Variants in BBIP1 observed in about 807,000 individuals in gnomAD.
BBIP1 encodes the protein BBSome interacting protein 1.
BBIP1 carries 6 observed loss-of-function variants against 8.9 expected under a neutral mutation model. That is an observed-to-expected ratio of 0.67 (90% CI 0.37 to 1.33). The LOEUF (loss-of-function observed/expected upper bound fraction) is 1.33, where lower values mean the gene tolerates loss of function less well. Ranked by LOEUF, BBIP1 falls within the 40% of genes most tolerant of loss-of-function variation. The pLI is 0.02. For missense variants in BBIP1, 111 were observed against 109.2 expected, an observed-to-expected ratio of 1.02 and a Z score of -0.07; for synonymous variants, 32 against 33.4, an observed-to-expected ratio of 0.96 and a Z score of 0.14.
At chr10:110,904,945 GTCAAT>G (rs1272091895) in intron 2 of BBIP1, 2 of 152,226 alleles carry the variant, frequency 1.3e-5, no homozygotes, top group Non-Finnish European at 1.5e-5. Flanking sequence ...AGAATACAGT[GTCAAT>G]TCATCATTTT....
At position 110,918,164 on chromosome 10, in the gene BBIP1, C is replaced by G. The variant is rs1007006316; in HGVS notation, c.-7G>C. On this transcript the variant is annotated 5_prime_UTR_variant, in exon 2 of 4. Coordinates refer to ENST00000448814, the MANE Select transcript of BBIP1 (RefSeq NM_001195305.3). ...TTGCTGCAGCTTTAAGCATCCAACCCGGTATTACCAAGATGACTTAGAGTT... is the reference window on the plus strand; with the variant it reads ...TTGCTGCAGCTTTAAGCATCCAACCGGGTATTACCAAGATGACTTAGAGTT... The G allele has an allele frequency of 2.6e-6, 4 of 1,535,380 alleles. No homozygotes were observed. In the African/African-American group the frequency reaches 5.5e-5, roughly 21 times the overall value.
intron 2 of BBIP1, 145 bp downstream of exon 2, chr10:110,917,976 A>G: frequency 1.4e-6 from 1 of 702,464 alleles, no homozygotes; most frequent in Non-Finnish European, 2.4e-6. Flanking sequence ...GACTGCTACA[A>G]CAGATTTCAG....
chr10:110,910,206 A>G (rs1324080082), intron 2 of BBIP1, among the ~76,000 whole-genome samples: 2 of 152,236 alleles, frequency 1.3e-5, no homozygotes, highest in Non-Finnish European at 2.9e-5. Context: ...ATGTATAGCA[A>G]GGGGCAGATG....
chr10:110,904,850 G>C (rs1034024157), intron 2 of BBIP1: 2 of 152,180 alleles, frequency 1.3e-5, no homozygotes, highest in South Asian at 4.1e-4. Context: ...GATGCAGATT[G>C]TCAAGGCATA....
At chr10:110,906,595 T>A (rs1846146912) in intron 2 of BBIP1, 1 of 152,206 alleles carries the variant, frequency 6.6e-6, no homozygotes, top group African/African-American at 2.4e-5. Flanking sequence ...AGTCTTGCTC[T>A]GTTGCCCAGG....
intron 2 of BBIP1, 31 bp downstream of exon 2, chr10:110,918,090 C>G (rs1029610341): frequency 2.6e-6 from 4 of 1,529,956 alleles, no homozygotes; most frequent in Non-Finnish European, 3.5e-6. Flanking sequence ...GTATTGTTGA[C>G]TGGCTGGATA....
In BBIP1 at chr10:110,908,792, TAA is replaced by T. The variant is rs11320285; in HGVS notation, c.38-7182_38-7181del. 5.1e-3 allele frequency among the ~76,000 whole-genome samples: 721 copies of T among 142,332 alleles called. 1 individual carries two copies. The highest frequency in any genetic ancestry group is 0.011 in the Middle Eastern group (3 of 284). 93.4% of individuals were successfully genotyped at this position (142,332 alleles called of 152,430 possible). On this transcript the variant is annotated intron_variant, in intron 2 of 3. Transcript: ENST00000448814. The stretch of plus-strand genomic sequence containing the variant: ...CATTATGGGGGAGGCAAGGAATGCT[TAA>T]AAAAAAAAAAAAAGAGTTACGAGCA...
chr10:110,907,272 T>G (rs890029704), intron 2 of BBIP1: 1 of 153,018 alleles, frequency 6.5e-6, no homozygotes, highest in African/African-American at 2.4e-5. Flanking sequence ...CCCAGCACTT[T>G]GGAAGGCCAA....
chr10:110,919,346 G>T, upstream of BBIP1: 1 of 373,384 alleles, frequency 2.7e-6, no homozygotes, highest in Admixed American at 4.6e-5. Flanking sequence ...CCCAGTGGGC[G>T]GGAGACGGCG....
At chr10:110,917,775 A>T (rs1846451631) in intron 2 of BBIP1, among the ~76,000 whole-genome samples, 1 of 152,238 alleles carries the variant, frequency 6.6e-6, no homozygotes, top group Non-Finnish European at 1.5e-5. Context: ...AATCTGATAC[A>T]AACCATTCTA....
chr10:110,905,002 T>G (rs533808232), intron 2 of BBIP1: 1 of 152,354 alleles, frequency 6.6e-6, no homozygotes, highest in South Asian at 2.1e-4. Context: ...AATCTGCTGT[T>G]TCCTTTTCTT....
chr10:110,911,563 A>C (rs1381142622), intron 2 of BBIP1: 1 of 151,558 alleles, frequency 6.6e-6, no homozygotes, highest in African/African-American at 2.4e-5. Flanking sequence ...GAATTGAATT[A>C]CCCATGTGCC....
chr10:110,909,918 A>C (rs562015341), intron 2 of BBIP1, among the ~76,000 whole-genome samples: 1 of 152,368 alleles, frequency 6.6e-6, no homozygotes, highest in Admixed American at 6.5e-5. Context: ...AAATGTCTAT[A>C]ATGTACCAGC....
chr10:110,918,782 G>C (rs527904941), intron 1 of BBIP1: 1 of 152,658 alleles, frequency 6.6e-6, no homozygotes, highest in Admixed American at 6.5e-5. Flanking sequence ...CCATTTCAGC[G>C]CTCTGTCCCA....
intron 2 of BBIP1, chr10:110,904,303 A>G (rs1344548818): frequency 6.6e-6 from 1 of 152,226 alleles, no homozygotes; most frequent in Non-Finnish European, 1.5e-5. Flanking sequence ...CAAAAACCCA[A>G]ACTTTTGCCT....
chr10:110,901,230 C>T (rs552858809), intron 3 of BBIP1: 12 of 412,426 alleles, frequency 2.9e-5, no homozygotes, highest in East Asian at 1.8e-4. Context: ...CGGTGAGCTA[C>T]GGTTGTGCCA....
At chr10:110,918,636 C>A (rs988046680) in intron 1 of BBIP1, among the ~76,000 whole-genome samples, 3 of 152,256 alleles carry the variant, frequency 2.0e-5, no homozygotes, top group Admixed American at 6.5e-5. Context: ...GTCCTCCCGG[C>A]CGGGCTGCCT....
At position 110,918,430 on chromosome 10, in the gene BBIP1, G is replaced by C. The variant is rs1003036662; in HGVS notation, c.-56-217C>G. On this transcript the variant is annotated intron_variant, in intron 1 of 3. Coordinates refer to ENST00000448814, the MANE Select transcript of BBIP1 (RefSeq NM_001195305.3). ...GGCAGGGGAAAAAGATTGAGGTCCT[G>C]CCCTGGTGGTAGGGGCTCATCTTTT... is the stretch of plus-strand genomic sequence containing the variant. Among the ~76,000 whole-genome samples, 4 of 152,346 alleles carry C rather than the reference G, an allele frequency of 2.6e-5. No individual in the cohort carries two copies. The East Asian group carries it at 7.7e-4, about 29-fold the overall frequency.
rs556631578 is a variant in BBIP1 at position 110,911,533 on chromosome 10, C to T, written c.37+6588G>A. On this transcript the variant is annotated intron_variant, in intron 2 of 3. Transcript: ENST00000448814. ...GCAGTAATTTTGAAAAAACTTTTATCACCATAACTGGTGATTTTGGAATTG... is the reference window on the plus strand; with the variant it reads ...GCAGTAATTTTGAAAAAACTTTTATTACCATAACTGGTGATTTTGGAATTG... 60 of 151,892 alleles carry T rather than the reference C, an allele frequency of 4.0e-4. 1 individual carries two copies. The highest frequency in any genetic ancestry group is 1.4e-3 in the African/African-American group (59 of 41,448). The allele number at this position is 151,892 out of a possible 1,614,324, so 9.4% of individuals were successfully genotyped here.
Sources: gnomAD v4.1 joint callset for allele counts (sites outside exome capture counted in the v4.1 genomes callset) on GRCh38, gnomAD v4.1.1 for gene constraint, MANE v1.5 for transcripts, NCBI Gene and HGNC (gene_info 2026-07-23, HGNC 2026-07-21) for gene names.